SLC4A4: variants seen among roughly 807,000 people sequenced by gnomAD.
SLC4A4 encodes the protein solute carrier family 4 member 4.
A neutral mutation model predicts 111.5 loss-of-function variants in SLC4A4; 27 were observed. The ratio of observed to expected loss-of-function variants is 0.24; its 90% CI spans 0.18 to 0.33. The LOEUF (loss-of-function observed/expected upper bound fraction) is 0.33. Ranked by LOEUF, SLC4A4 falls within the 10% of genes least tolerant of loss-of-function variation. SLC4A4 has a pLI of 1.00. For synonymous variants in SLC4A4, 443 were observed against 463.4 expected (o/e 0.96, Z 0.57); for missense variants, 909 against 1,315.5 (o/e 0.69, Z 4.78).
At chr4:71,155,598 G>T (rs556084323) in intron 2 of SLC4A4, among the ~76,000 whole-genome samples, 168 of 152,184 alleles carry the variant, frequency 1.1e-3, no homozygotes, top group Non-Finnish European at 2.0e-3. Flanking sequence ...GAGTAGCTGG[G>T]ACTACAGGTG....
At chr4:71,314,563 T>C (rs1452954525) in intron 3 of SLC4A4, among the ~76,000 whole-genome samples, 6 of 152,178 alleles carry the variant, frequency 3.9e-5, no homozygotes, top group Admixed American at 1.3e-4. Flanking sequence ...GTGGCACATA[T>C]ACAGCATGGA....
chr4:71,246,518 CAT>C (rs1483405579), intron 2 of SLC4A4, among the ~76,000 whole-genome samples: 1 of 152,150 alleles, frequency 6.6e-6, no homozygotes, highest in Non-Finnish European at 1.5e-5. Flanking sequence ...GGAAAGAAGA[CAT>C]AAGACTGGCT....
At chr4:71,143,095 C>T (rs1438372784) in intron 2 of SLC4A4, among the ~76,000 whole-genome samples, 1 of 152,048 alleles carries the variant, frequency 6.6e-6, no homozygotes, top group East Asian at 1.9e-4. Flanking sequence ...CCATCTCTCC[C>T]CCATCCCCCC....
chr4:71,503,627 T>C (rs1731139615), intron 16 of SLC4A4, among the ~76,000 whole-genome samples: 2 of 152,174 alleles, frequency 1.3e-5, no homozygotes, highest in African/African-American at 4.8e-5. Flanking sequence ...TAATTTACTT[T>C]CTTATCTACT....
chr4:71,379,523 C>T (rs559514148), intron 6 of SLC4A4, among the ~76,000 whole-genome samples: 1 of 152,258 alleles, frequency 6.6e-6, no homozygotes, highest in South Asian at 2.1e-4. Flanking sequence ...TCCCATCGCA[C>T]TGCACAAATA....
At chr4:71,421,885 G>A (rs1722550773) in intron 7 of SLC4A4, among the ~76,000 whole-genome samples, 1 of 151,890 alleles carries the variant, frequency 6.6e-6, no homozygotes, top group Admixed American at 6.6e-5. Context: ...GAGAAAGCAG[G>A]AAAGATCCAA....
intron 12 of SLC4A4, among the ~76,000 whole-genome samples, chr4:71,465,097 C>A (rs1415545831): frequency 6.6e-6 from 1 of 151,866 alleles, no homozygotes; most frequent in Non-Finnish European, 1.5e-5. Context: ...TGCAGATTCC[C>A]CAGAAATCCA....
intron 4 of SLC4A4, among the ~76,000 whole-genome samples, chr4:71,348,759 T>C (rs1048607146): frequency 2.6e-5 from 4 of 152,138 alleles, no homozygotes; most frequent in African/African-American, 4.8e-5. Flanking sequence ...TGTTTTTTTT[T>C]CCCCTCCTCT....
chr4:71,224,290 C>A (rs1718925294), intron 1 of SLC4A4, among the ~76,000 whole-genome samples: 2 of 152,182 alleles, frequency 1.3e-5, no homozygotes, highest in South Asian at 4.1e-4. Flanking sequence ...GTCCTGACTT[C>A]CTCCTCCCGC....
chr4:71,518,254 G>T (rs1012104629), intron 16 of SLC4A4, among the ~76,000 whole-genome samples: 8 of 152,128 alleles, frequency 5.3e-5, no homozygotes, highest in Non-Finnish European at 1.2e-4. Flanking sequence ...AGTCTGTGAG[G>T]GCTATTGTGG....
At chr4:71,312,728 C>T (rs1726307553) in intron 3 of SLC4A4, among the ~76,000 whole-genome samples, 1 of 152,198 alleles carries the variant, frequency 6.6e-6, no homozygotes. Flanking sequence ...AACACCCCTT[C>T]ATACTAAAAA....
chr4:71,262,910 CG>C (rs1474971978), intron 3 of SLC4A4, among the ~76,000 whole-genome samples: 1 of 151,482 alleles, frequency 6.6e-6, no homozygotes, highest in East Asian at 1.9e-4. Flanking sequence ...ATGTGAACAA[CG>C]TGTAGGTTAG....
At chr4:71,320,166 C>T (rs1412373374) in intron 3 of SLC4A4, among the ~76,000 whole-genome samples, 1 of 152,030 alleles carries the variant, frequency 6.6e-6, no homozygotes, top group Non-Finnish European at 1.5e-5. Flanking sequence ...AACAGCACTT[C>T]TTTAATTCAT....
intron 3 of SLC4A4, among the ~76,000 whole-genome samples, chr4:71,335,315 C>T (rs1040086656): frequency 6.6e-6 from 1 of 152,104 alleles, no homozygotes; most frequent in African/African-American, 2.4e-5. Context: ...AGTTTCAGAA[C>T]CACTACGATG....
intron 2 of SLC4A4, among the ~76,000 whole-genome samples, chr4:71,249,018 T>C (rs1431614793): frequency 6.6e-6 from 1 of 152,146 alleles, no homozygotes; most frequent in African/African-American, 2.4e-5. Flanking sequence ...ATTATTATCA[T>C]CATCAAATAT....
rs147336229 is a variant in SLC4A4, at chr4:71,286,196, C to T, written c.253+30797C>T. On this transcript the variant is annotated intron_variant, in intron 3 of 25. Coordinates refer to ENST00000264485, the MANE Select transcript of SLC4A4 (RefSeq NM_001098484.3). Reference sequence around the variant, plus strand: ...TGGAGCTTTCAGTGAGCTGAGATCGCGCCACTGCACTCCATCCTGGGTGAC... The same window carrying T: ...TGGAGCTTTCAGTGAGCTGAGATCGTGCCACTGCACTCCATCCTGGGTGAC... Among the ~76,000 whole-genome samples the T allele has an allele frequency of 5.4e-3, 815 of 152,070 alleles. 2 individuals carry two copies. The highest frequency in any genetic ancestry group is 0.015 in the African/African-American group (642 of 41,460).
intron 14 of SLC4A4, among the ~76,000 whole-genome samples, chr4:71,476,208 C>T (rs1457941836): frequency 6.6e-6 from 1 of 151,810 alleles, no homozygotes; most frequent in African/African-American, 2.4e-5. Flanking sequence ...AATGTTAATA[C>T]TTCTCCATAA....
At chr4:71,366,022 A>G (rs368773966) in intron 6 of SLC4A4, among the ~76,000 whole-genome samples, 2 of 151,796 alleles carry the variant, frequency 1.3e-5, no homozygotes, top group East Asian at 1.9e-4. Context: ...TCTGGAGGCC[A>G]TTCTACATCT....
At chr4:71,342,765 AC>A (rs148473162) in intron 4 of SLC4A4, among the ~76,000 whole-genome samples, 1,761 of 152,280 alleles carry the variant, frequency 0.012, 35 homozygotes, top group African/African-American at 0.04. Context: ...AGGTAATTCA[AC>A]ATTGAATGAT....
Sources: gnomAD v4.1 joint callset for allele counts (sites outside exome capture counted in the v4.1 genomes callset) on GRCh38, gnomAD v4.1.1 for gene constraint, MANE v1.5 for transcripts, NCBI Gene and HGNC (gene_info 2026-07-23, HGNC 2026-07-21) for gene names.